PRKG1: variants seen among roughly 807,000 people sequenced by gnomAD.
PRKG1 encodes cGMP-dependent protein kinase 1.
A neutral mutation model predicts 88.1 loss-of-function variants in PRKG1; 35 were observed. That is an observed-to-expected ratio of 0.40 (90% confidence interval 0.30 to 0.53). PRKG1 has a LOEUF of 0.53. Ranked by LOEUF, PRKG1 falls within the 20% of genes least tolerant of loss-of-function variation. PRKG1 has a pLI of 0.59. For missense variants in PRKG1, 540 were observed against 839.8 expected (o/e 0.64, Z 4.41); for synonymous variants, 303 against 292.5 (o/e 1.04, Z -0.37).
chr10:51,037,200 C>G (rs1389143286), intron 1 of PRKG1, among the ~76,000 whole-genome samples: 1 of 152,148 alleles, frequency 6.6e-6, no homozygotes, highest in Non-Finnish European at 1.5e-5. Flanking sequence ...GTAATCCCAG[C>G]ATTTTGGGAG....
At chr10:51,889,896 G>A (rs1417791954) in intron 4 of PRKG1, among the ~76,000 whole-genome samples, 1 of 152,112 alleles carries the variant, frequency 6.6e-6, no homozygotes, top group African/African-American at 2.4e-5. Flanking sequence ...CCCACTTTTT[G>A]ATGGGGTTAT....
intron 9 of PRKG1, among the ~76,000 whole-genome samples, chr10:52,204,131 T>C (rs934301396): frequency 1.3e-5 from 2 of 151,958 alleles, no homozygotes. Context: ...GATGGACTCT[T>C]GCTCTGTTGC....
chr10:51,706,776 C>A (rs1271505037), intron 3 of PRKG1, among the ~76,000 whole-genome samples: 1 of 152,040 alleles, frequency 6.6e-6, no homozygotes, highest in Non-Finnish European at 1.5e-5. Context: ...CAAATTACTT[C>A]GCCTCTCTGT....
At chr10:51,603,365 G>C (rs764306103) in intron 3 of PRKG1, among the ~76,000 whole-genome samples, 27 of 152,256 alleles carry the variant, frequency 1.8e-4, no homozygotes, top group Non-Finnish European at 3.8e-4. Flanking sequence ...TTTTTGTCTG[G>C]TGAGTTCTTT....
At chr10:52,210,099 A>G (rs1057384424) in intron 9 of PRKG1, among the ~76,000 whole-genome samples, 10 of 152,140 alleles carry the variant, frequency 6.6e-5, no homozygotes, top group African/African-American at 2.4e-4. Flanking sequence ...CATTTAGATG[A>G]TGCCTATTCT....
chr10:51,788,687 T>G (rs1483674359), intron 3 of PRKG1, among the ~76,000 whole-genome samples: 1 of 152,194 alleles, frequency 6.6e-6, no homozygotes, highest in South Asian at 2.1e-4. Flanking sequence ...TGTTTTCATA[T>G]TTAGTGAGAA....
intron 2 of PRKG1, among the ~76,000 whole-genome samples, chr10:51,325,547 T>C (rs1322238718): frequency 1.3e-5 from 2 of 152,236 alleles, no homozygotes; most frequent in Non-Finnish European, 2.9e-5. Context: ...TTTACAAATA[T>C]ATTCTTCGAT....
At chr10:51,316,747 C>T (rs545110552) in intron 2 of PRKG1, among the ~76,000 whole-genome samples, 7 of 151,642 alleles carry the variant, frequency 4.6e-5, no homozygotes, top group South Asian at 4.2e-4. Flanking sequence ...GGTATTATTA[C>T]GGACGCCTTA....
chr10:51,117,904 G>A (rs1376167707), intron 1 of PRKG1, among the ~76,000 whole-genome samples: 2 of 152,200 alleles, frequency 1.3e-5, no homozygotes, highest in African/African-American at 4.8e-5. Context: ...TCTTTCTAGG[G>A]AGATATTCCA....
intron 9 of PRKG1, among the ~76,000 whole-genome samples, chr10:52,177,117 G>C (rs1404217554): frequency 1.3e-5 from 2 of 152,038 alleles, no homozygotes; most frequent in Non-Finnish European, 2.9e-5. Flanking sequence ...AAAAGCTTCA[G>C]ATTTTACCCA....
intron 1 of PRKG1, among the ~76,000 whole-genome samples, chr10:51,017,890 C>G (rs1023769895): frequency 6.6e-6 from 1 of 152,034 alleles, no homozygotes; most frequent in Non-Finnish European, 1.5e-5. Context: ...GCCTTGACCC[C>G]TGGGCTCAAG....
At chr10:51,496,326 T>A (rs898304471) in intron 3 of PRKG1, among the ~76,000 whole-genome samples, 2 of 152,182 alleles carry the variant, frequency 1.3e-5, no homozygotes, top group African/African-American at 4.8e-5. Flanking sequence ...AGGAACTAAA[T>A]CAGAGACACG....
chr10:51,234,584 G>A (rs1285517130), intron 2 of PRKG1, among the ~76,000 whole-genome samples: 1 of 151,930 alleles, frequency 6.6e-6, no homozygotes, highest in Admixed American at 6.6e-5. Context: ...GCATTAATTT[G>A]GCATTTTTAT....
At chr10:52,202,542 C>G (rs1440177876) in intron 9 of PRKG1, among the ~76,000 whole-genome samples, 1 of 151,976 alleles carries the variant, frequency 6.6e-6, no homozygotes, top group African/African-American at 2.4e-5. Context: ...GATGCTAGCC[C>G]CATAGAATGA....
At chr10:52,010,149 C>CA (rs1376492387) in intron 5 of PRKG1, among the ~76,000 whole-genome samples, 1 of 151,868 alleles carries the variant, frequency 6.6e-6, no homozygotes, top group Non-Finnish European at 1.5e-5. Flanking sequence ...AAAGCAATTG[C>CA]AAAAAAATCA....
chr10:51,585,665 A>G (rs1838154455), intron 3 of PRKG1, among the ~76,000 whole-genome samples: 1 of 152,148 alleles, frequency 6.6e-6, no homozygotes, highest in African/African-American at 2.4e-5. Flanking sequence ...AAGCACATGA[A>G]CTTGTACGTT....
chr10:51,438,189 TTA>T (rs1838994151), intron 2 of PRKG1, among the ~76,000 whole-genome samples: 1 of 136,036 alleles, frequency 7.4e-6, no homozygotes, highest in Non-Finnish European at 1.6e-5. Flanking sequence ...TGGAATGGTT[TTA>T]GACTTACCAA....
chr10:51,877,519 AG>A (rs1172844889), intron 4 of PRKG1, among the ~76,000 whole-genome samples: 2 of 152,208 alleles, frequency 1.3e-5, no homozygotes, highest in Admixed American at 1.3e-4. Flanking sequence ...TATATTTTAA[AG>A]CAGTTTAGTT....
intron 3 of PRKG1, among the ~76,000 whole-genome samples, chr10:51,549,794 T>C (rs1365769925): frequency 2.0e-5 from 3 of 152,134 alleles, no homozygotes; most frequent in Admixed American, 6.6e-5. Flanking sequence ...AGTGGCCTTA[T>C]TGACTTTTTT....
Sources: allele counts gnomAD v4.1 joint callset (sites outside exome capture counted in the v4.1 genomes callset), GRCh38; gene constraint gnomAD v4.1.1; transcripts MANE v1.5; gene names NCBI Gene and HGNC (gene_info 2026-07-23, HGNC 2026-07-21).